The following SORCS3 variants were observed in gnomAD, a reference collection of about 807,000 sequenced individuals.
The protein encoded by SORCS3 is sortilin related VPS10 domain containing receptor 3.
SORCS3 carries 57 observed loss-of-function variants against 146.3 expected under a neutral mutation model. The observed-to-expected ratio is 0.39, with a 90% CI of 0.31 to 0.49. The LOEUF (loss-of-function observed/expected upper bound fraction) is 0.49. SORCS3 is among the 20% of genes least tolerant of loss of function. SORCS3 has a pLI of 0.92. For missense variants in SORCS3, 1,341 were observed against 1,575.5 expected (o/e 0.85, Z 2.52); for synonymous variants, 653 against 618.5 (o/e 1.06, Z -0.83).
intron 7 of SORCS3, among the ~76,000 whole-genome samples, chr10:105,133,629 A>C (rs2056037211): frequency 6.6e-6 from 1 of 152,128 alleles, no homozygotes; most frequent in African/African-American, 2.4e-5. Context: ...CTGCTCTCCT[A>C]AGAAGATATT....
At chr10:104,816,097 T>C (rs1349322958) in intron 1 of SORCS3, among the ~76,000 whole-genome samples, 2 of 152,222 alleles carry the variant, frequency 1.3e-5, no homozygotes, top group Non-Finnish European at 2.9e-5. Context: ...TATAAGAGTA[T>C]ATTACCTAAA....
intron 19 of SORCS3, 90 bp downstream of exon 19, chr10:105,217,212 G>C: frequency 7.5e-7 from 1 of 1,327,272 alleles, no homozygotes; most frequent in Non-Finnish European, 1.1e-6. Context: ...GCTGAGCCCA[G>C]GTTCAGTGTG....
chr10:105,107,614 G>A (rs1194693445), intron 7 of SORCS3, among the ~76,000 whole-genome samples: 3 of 151,968 alleles, frequency 2.0e-5, no homozygotes, highest in Non-Finnish European at 4.4e-5. Flanking sequence ...AAAGATATGC[G>A]GTTTCATTAT....
intron 1 of SORCS3, among the ~76,000 whole-genome samples, chr10:104,667,620 C>T (rs1337681636): frequency 6.6e-6 from 1 of 152,166 alleles, no homozygotes; most frequent in Non-Finnish European, 1.5e-5. Flanking sequence ...CTTTTCTTAA[C>T]AAACGCTGGC....
At chr10:104,769,252 T>G (rs2017218814) in intron 1 of SORCS3, among the ~76,000 whole-genome samples, 1 of 152,156 alleles carries the variant, frequency 6.6e-6, no homozygotes. Context: ...GACTGCTGCA[T>G]GTTAGGTCCC....
At chr10:104,699,297 AT>A (rs1360633332) in intron 1 of SORCS3, among the ~76,000 whole-genome samples, 1 of 152,094 alleles carries the variant, frequency 6.6e-6, no homozygotes, top group Non-Finnish European at 1.5e-5. Flanking sequence ...AGAGCTCTTG[AT>A]GGGGGAGGTT....
intron 4 of SORCS3, among the ~76,000 whole-genome samples, chr10:104,983,180 A>T (rs1445534704): frequency 6.6e-6 from 1 of 151,904 alleles, no homozygotes; most frequent in Non-Finnish European, 1.5e-5. Context: ...TTATATTTTT[A>T]TGTAGAGATG....
intron 23 of SORCS3, 70 bp from the exon 24 acceptor site, chr10:105,255,632 G>T: frequency 9.7e-7 from 1 of 1,026,136 alleles, no homozygotes; most frequent in South Asian, 1.4e-5. Context: ...CCTTGTCCTT[G>T]GTTTCTTACC....
chr10:104,944,567 C>T (rs1207662587), intron 3 of SORCS3, among the ~76,000 whole-genome samples: 1 of 152,102 alleles, frequency 6.6e-6, no homozygotes, highest in Non-Finnish European at 1.5e-5. Context: ...GACATTTCAC[C>T]ACAGAAGGTA....
intron 3 of SORCS3, among the ~76,000 whole-genome samples, chr10:104,975,482 T>G (rs1479552636): frequency 2.0e-5 from 3 of 152,190 alleles, no homozygotes; most frequent in Non-Finnish European, 4.4e-5. Flanking sequence ...ATGGCCATAC[T>G]GCCCAAGGTA....
chr10:105,229,360 G>C (rs1195005560), intron 20 of SORCS3, among the ~76,000 whole-genome samples: 1 of 151,904 alleles, frequency 6.6e-6, no homozygotes, highest in African/African-American at 2.4e-5. Context: ...TGTTTTGTTT[G>C]ATTGGGATCT....
chr10:105,123,358 G>A (rs1451569479), intron 7 of SORCS3, among the ~76,000 whole-genome samples: 1 of 152,198 alleles, frequency 6.6e-6, no homozygotes, highest in Non-Finnish European at 1.5e-5. Flanking sequence ...GAAAGGGATT[G>A]CTGTTCAGAG....
At chr10:105,211,272 A>T in intron 17 of SORCS3, 22 bp downstream of exon 17, 1 of 1,525,776 alleles carries the variant, frequency 6.6e-7, no homozygotes, top group Non-Finnish European at 9.1e-7. Context: ...ACCTACAGGA[A>T]CTCAGCTCCC....
intron 4 of SORCS3, among the ~76,000 whole-genome samples, chr10:104,980,992 T>A (rs2054928638): frequency 6.6e-6 from 1 of 152,194 alleles, no homozygotes; most frequent in Non-Finnish European, 1.5e-5. Context: ...GGCCAAGGCC[T>A]GGGTGTGGGG....
intron 25 of SORCS3, among the ~76,000 whole-genome samples, chr10:105,261,621 T>C (rs1157885258): frequency 6.6e-6 from 1 of 152,168 alleles, no homozygotes. Context: ...TGAAGATGGG[T>C]CAGAAGATGA....
chr10:105,252,280 C>A (rs185600284), intron 22 of SORCS3, among the ~76,000 whole-genome samples: 37 of 152,314 alleles, frequency 2.4e-4, no homozygotes, highest in African/African-American at 8.9e-4. Context: ...AATGAGGGAA[C>A]TTCCTTCAAT....
intron 2 of SORCS3, among the ~76,000 whole-genome samples, chr10:104,914,556 C>T (rs574056360): frequency 6.6e-6 from 1 of 152,260 alleles, no homozygotes; most frequent in South Asian, 2.1e-4. Context: ...GAATTTGAGG[C>T]ACAAGCCATC....
intron 20 of SORCS3, among the ~76,000 whole-genome samples, chr10:105,240,273 G>C (rs1413811100): frequency 6.6e-6 from 1 of 152,200 alleles, no homozygotes; most frequent in Non-Finnish European, 1.5e-5. Flanking sequence ...GGCAGAAAAA[G>C]GAGAGAGGGC....
chr10:104,850,055 A>C (rs1319912205), intron 2 of SORCS3, among the ~76,000 whole-genome samples: 3 of 152,186 alleles, frequency 2.0e-5, no homozygotes. Context: ...ACACAGTGTT[A>C]ACTCGGTCTT....
Sources: gnomAD v4.1 joint callset for allele counts (sites outside exome capture counted in the v4.1 genomes callset) on GRCh38, gnomAD v4.1.1 for gene constraint, MANE v1.5 for transcripts, NCBI Gene and HGNC (gene_info 2026-07-23, HGNC 2026-07-21) for gene names.